The following ABI1 variants were observed in gnomAD, a reference collection of about 807,000 sequenced individuals.
The protein encoded by ABI1 is abl interactor 1.
Under a neutral mutation model 54.6 loss-of-function variants are expected in ABI1, and 14 were observed. That is an observed-to-expected ratio of 0.26 (90% confidence interval 0.17 to 0.40). The LOEUF (loss-of-function observed/expected upper bound fraction) is 0.40, where lower values mean the gene tolerates loss of function less well. ABI1 is among the 10% of genes least tolerant of loss of function. ABI1 has a pLI of 1.00. For synonymous variants in ABI1, 194 were observed against 209.3 expected (o/e 0.93, Z 0.63); for missense variants, 443 against 598.3 (o/e 0.74, Z 2.71).
chr10:26,838,420 C>T (rs990863120), intron 1 of ABI1, among the ~76,000 whole-genome samples: 5 of 152,082 alleles, frequency 3.3e-5, no homozygotes, highest in Admixed American at 2.0e-4. Flanking sequence ...GAGGAAGGAG[C>T]AGAGGACAGG....
chr10:26,851,078 C>CA (rs2050348297), intron 1 of ABI1, among the ~76,000 whole-genome samples: 1 of 151,876 alleles, frequency 6.6e-6, no homozygotes, highest in African/African-American at 2.4e-5. Context: ...AAAAAAAGCA[C>CA]ATGAGAACTA....
intron 2 of ABI1, among the ~76,000 whole-genome samples, chr10:26,778,973 C>A (rs1165467377): frequency 6.6e-6 from 1 of 152,098 alleles, no homozygotes; most frequent in Non-Finnish European, 1.5e-5. Context: ...GCACAAATGC[C>A]GACACTCTGG....
At chr10:26,761,662 A>G (rs1303582695) in intron 7 of ABI1, among the ~76,000 whole-genome samples, 3 of 70,860 alleles carry the variant, frequency 4.2e-5, no homozygotes, top group South Asian at 5.5e-4. Context: ...ATATATATAT[A>G]CACACACACA....
At chr10:26,841,832 T>G (rs561691211) in intron 1 of ABI1, among the ~76,000 whole-genome samples, 1 of 152,306 alleles carries the variant, frequency 6.6e-6, no homozygotes, top group Non-Finnish European at 1.5e-5. Flanking sequence ...TATCCATTCA[T>G]CTATCAGTGG....
intron 2 of ABI1, among the ~76,000 whole-genome samples, chr10:26,780,975 C>T (rs892377104): frequency 6.6e-6 from 1 of 152,156 alleles, no homozygotes; most frequent in Non-Finnish European, 1.5e-5. Flanking sequence ...ATTTTACAGG[C>T]CTGAACTGTG....
At chr10:26,749,186 A>C (rs1354130998) in intron 10 of ABI1, among the ~76,000 whole-genome samples, 1 of 152,146 alleles carries the variant, frequency 6.6e-6, no homozygotes, top group South Asian at 2.1e-4. Flanking sequence ...ATCACATCCT[A>C]CTCATTCAAG....
intron 1 of ABI1, among the ~76,000 whole-genome samples, chr10:26,832,008 G>A (rs2048708228): frequency 6.6e-6 from 1 of 152,158 alleles, no homozygotes; most frequent in African/African-American, 2.4e-5. Context: ...CAAAAACTTG[G>A]CTTCTATCCT....
At chr10:26,793,034 T>C (rs148367380) in intron 2 of ABI1, among the ~76,000 whole-genome samples, 100 of 152,364 alleles carry the variant, frequency 6.6e-4, no homozygotes, top group African/African-American at 2.3e-3. Flanking sequence ...TCAGAAGGCC[T>C]ACTATCATCC....
intron 2 of ABI1, among the ~76,000 whole-genome samples, chr10:26,801,774 A>T (rs191102755): frequency 7.9e-4 from 120 of 152,356 alleles, no homozygotes; most frequent in Non-Finnish European, 1.4e-3. Context: ...CAAAGAGATG[A>T]TGTGATTATC....
chr10:26,860,774 T>A lies in ABI1; in HGVS notation c.90A>T (p.Ala30=), dbSNP rs746595777. 1.2e-6 allele frequency: 2 copies of A among 1,613,990 alleles called. No homozygotes were observed. Among genetic ancestry groups the A allele is most frequent in the African/African-American group, 1.3e-5 (1 of 74,910 alleles). The change falls in exon 1 of 11, where the codon GCA becomes GCT. Residue 30 remains alanine, a synonymous_variant. Transcript: ENST00000376140. The surrounding 1 kb of genome is among the most constrained non-coding windows in gnomAD (Gnocchi z 4.1). ...GTATGTAGTTGTTTTCACAGTAGTC[T>A]GCCACCCGAGTCAGGTTCTGGTAAC... The part of the protein sequence containing the change: ...IESYQNLTRV[A]DYCENNYIQA...
intron 10 of ABI1, among the ~76,000 whole-genome samples, chr10:26,751,048 T>C (rs1411098986): frequency 1.3e-5 from 2 of 151,736 alleles, no homozygotes; most frequent in Non-Finnish European, 1.5e-5. Flanking sequence ...ACCCACTGTT[T>C]AGTGGAAAAT....
At chr10:26,848,990 T>C (rs116656354) in intron 1 of ABI1, among the ~76,000 whole-genome samples, 68 of 152,288 alleles carry the variant, frequency 4.5e-4, no homozygotes, top group African/African-American at 1.5e-3. Flanking sequence ...TACATAGTAG[T>C]ATACAATGAT....
chr10:26,797,663 G>C (rs1453993606), intron 2 of ABI1, among the ~76,000 whole-genome samples: 1 of 152,124 alleles, frequency 6.6e-6, no homozygotes, highest in Non-Finnish European at 1.5e-5. Context: ...GGAAAAACCT[G>C]ATCTGGCTGA....
intron 2 of ABI1, among the ~76,000 whole-genome samples, chr10:26,797,888 CTT>C (rs1370040710): frequency 6.6e-6 from 1 of 152,102 alleles, no homozygotes; most frequent in Non-Finnish European, 1.5e-5. Flanking sequence ...AAGTAACAGA[CTT>C]TATGTCTTGT....
At chr10:26,780,243 G>A (rs1232815837) in intron 2 of ABI1, among the ~76,000 whole-genome samples, 1 of 152,114 alleles carries the variant, frequency 6.6e-6, no homozygotes, top group Admixed American at 6.6e-5. Context: ...TTGTGTGTGT[G>A]TAAGACAAGG....
At chr10:26,846,276 C>T (rs1477583012) in intron 1 of ABI1, among the ~76,000 whole-genome samples, 1 of 151,984 alleles carries the variant, frequency 6.6e-6, no homozygotes, top group Non-Finnish European at 1.5e-5. Context: ...CCACTCTAAA[C>T]AAGAGTAAAC....
intron 7 of ABI1, chr10:26,764,089 T>C: frequency 1.7e-6 from 1 of 588,782 alleles, no homozygotes; most frequent in Non-Finnish European, 2.8e-6. Flanking sequence ...CATGCTCAAA[T>C]GAGTATGAAT....
intron 2 of ABI1, among the ~76,000 whole-genome samples, chr10:26,787,314 C>A (rs979931881): frequency 6.6e-6 from 1 of 152,144 alleles, no homozygotes; most frequent in African/African-American, 2.4e-5. Context: ...GGTCCCCAGT[C>A]CTCAAGGGAA....
chr10:26,815,234 G>A (rs886903677), intron 2 of ABI1, among the ~76,000 whole-genome samples: 2 of 151,930 alleles, frequency 1.3e-5, no homozygotes, highest in Non-Finnish European at 1.5e-5. Flanking sequence ...TGTAAATTTA[G>A]CCAATTAGAT....
Sources: allele counts gnomAD v4.1 joint callset (sites outside exome capture counted in the v4.1 genomes callset), GRCh38; gene constraint gnomAD v4.1.1; non-coding constraint Gnocchi (gnomAD v3.1); transcripts MANE v1.5; gene names NCBI Gene and HGNC (gene_info 2026-07-23, HGNC 2026-07-21).